Variants in SGSH observed in about 807,000 individuals in gnomAD.
SGSH encodes N-sulfoglucosamine sulfohydrolase.
A neutral mutation model predicts 51.0 loss-of-function variants in SGSH; 48 were observed. The observed-to-expected ratio is 0.94, with a 90% CI of 0.75 to 1.20. The LOEUF (loss-of-function observed/expected upper bound fraction) is 1.20. SGSH is among the 50% of genes most tolerant of loss of function. The probability of loss-of-function intolerance (pLI) is 0.00; values close to 1 mark genes in which losing one functional copy is unlikely to be tolerated. For synonymous variants in SGSH, 321 were observed against 313.4 expected (o/e 1.02, Z -0.26); for missense variants, 662 against 717.8 (o/e 0.92, Z 0.89).
At chr17:80,205,519 T>C (rs758541975), downstream of SGSH, 25 of 1,582,110 alleles carry the variant, frequency 1.6e-5, no homozygotes, top group Non-Finnish European at 2.0e-5. Context: ...CCCCGTCCAA[T>C]GTCACCTGTA....
chr17:80,202,378 T>C (rs773812580), downstream of SGSH: 6 of 1,613,184 alleles, frequency 3.7e-6, no homozygotes, highest in Non-Finnish European at 4.2e-6. Flanking sequence ...TCTTACACCA[T>C]GAAGGATACT....
chr17:80,202,296 T>G, downstream of SGSH: 2 of 1,613,766 alleles, frequency 1.2e-6, no homozygotes, highest in Non-Finnish European at 1.7e-6. Flanking sequence ...GCAGGTGCAT[T>G]GCAACGAGGT....
intron 7 of SGSH, 31 bp from the exon 8 acceptor site, chr17:80,211,042 G>C (rs770790232): frequency 3.8e-6 from 6 of 1,597,604 alleles, no homozygotes; most frequent in African/African-American, 2.7e-5. Flanking sequence ...CAGAGCAGCA[G>C]AGCCCTCAGC....
chr17:80,211,119 T>A lies in SGSH; in HGVS notation c.950-108A>T, dbSNP rs2041645478. ...TGGGCGGCTCCCTTCTCCAATCCAA[T>A]CAGCAGCGGGAGGTGCCTTGTCGAG... is the stretch of plus-strand genomic sequence containing the variant. On this transcript the variant is annotated intron_variant, in intron 7 of 7. Transcript: ENST00000326317. 2.2e-5 allele frequency: 34 copies of A among 1,538,132 alleles called. 1 individual carries two copies. The South Asian group carries it at 3.9e-4, about 18-fold the overall frequency.
At position 80,210,224 on chromosome 17, in the gene SGSH, C is replaced by T. The variant is rs1396943115; in HGVS notation, c.*228G>A. The T allele has an allele frequency of 7.7e-6, 11 of 1,420,832 alleles. No homozygotes were observed. Among genetic ancestry groups the T allele is most frequent in the African/African-American group, 2.9e-5 (2 of 69,444 alleles). The allele number at this position is 1,420,832 out of a possible 1,614,324, so 88.0% of individuals were successfully genotyped here. On this transcript the variant is annotated 3_prime_UTR_variant, in exon 8 of 8. Transcript: ENST00000326317. ...AGGACAACTGTGTCCCCTGCCATGACGGCAGTGCCCCTGGTGGTGGAGGGG... is the reference window on the plus strand; with the variant it reads ...AGGACAACTGTGTCCCCTGCCATGATGGCAGTGCCCCTGGTGGTGGAGGGG...
downstream of SGSH, chr17:80,203,087 G>C (rs2041075589): frequency 6.6e-6 from 1 of 152,326 alleles, no homozygotes; most frequent in Non-Finnish European, 1.5e-5. The surrounding 1 kb of genome is among the most constrained non-coding windows in gnomAD (Gnocchi z 4.6). Context: ...GGGTAACCTG[G>C]TGAAACCCTG....
chr17:80,215,232 C>A, intron 2 of SGSH, 94 bp from the exon 3 acceptor site: 1 of 871,858 alleles, frequency 1.1e-6, no homozygotes, highest in Non-Finnish European at 1.9e-6. Flanking sequence ...CCCCAGGGGC[C>A]TTCTCGGGGC....
downstream of SGSH, chr17:80,208,421 C>T: frequency 3.0e-6 from 4 of 1,345,986 alleles, no homozygotes; most frequent in Non-Finnish European, 4.0e-6. Context: ...AGCCCAGGCC[C>T]TCTTGGCACA....
chr17:80,218,356 G>T (rs7213900), intron 1 of SGSH, among the ~76,000 whole-genome samples: 1 of 152,086 alleles, frequency 6.6e-6, no homozygotes, highest in Non-Finnish European at 1.5e-5. Flanking sequence ...GCAGTGCCCA[G>T]GGCCACACAC....
In SGSH at chr17:80,211,015, G is replaced by A. The variant is rs1388528139; in HGVS notation, c.950-4C>T. ...TCCAAGATGGTGGGCGTGAGGTCTGGAAGGGACGCGGCATCTCAGAGCAGC... is the reference window on the plus strand; with the variant it reads ...TCCAAGATGGTGGGCGTGAGGTCTGAAAGGGACGCGGCATCTCAGAGCAGC... On this transcript the variant is annotated splice_region_variant and splice_polypyrimidine_tract_variant and intron_variant, in intron 7 of 7. Transcript: ENST00000326317. The A allele has an allele frequency of 6.3e-7, 1 of 1,598,374 alleles. No individual in the cohort carries two copies.
chr17:80,210,593 G>A lies in SGSH; in HGVS notation c.1368C>T (p.Arg456=), dbSNP rs762083993. The A allele has an allele frequency of 1.9e-6, 3 of 1,613,410 alleles. No individual in the cohort carries two copies. Among genetic ancestry groups the A allele is most frequent in the African/African-American group, 1.3e-5 (1 of 74,908 alleles). Residue 456 remains arginine (R), a synonymous_variant, in exon 8 of 8, where the codon CGC becomes CGT. Transcript: ENST00000326317. Reference sequence around the variant, plus strand: ...GAAGCATCTCCAGAAGCTGAGCAAAGCGCGGGTCGGTGGCCAGGTTCTGGG... The same window carrying A: ...GAAGCATCTCCAGAAGCTGAGCAAAACGCGGGTCGGTGGCCAGGTTCTGGG... ...HETQNLATDP[R]FAQLLEMLRD...
chr17:80,204,212 C>A, downstream of SGSH: 2 of 1,574,432 alleles, frequency 1.3e-6, no homozygotes, highest in South Asian at 2.3e-5. Context: ...CATCCTTTCT[C>A]TGTCCCTCCT....
At chr17:80,203,522 T>A, downstream of SGSH, 1 of 337,266 alleles carries the variant, frequency 3.0e-6, no homozygotes, top group Non-Finnish European at 5.4e-6. This position sits in a 1 kb window ranked among gnomAD's most constrained non-coding sequence, Gnocchi z 4.6. Context: ...AATATTGAGG[T>A]CCTGGAGTGG....
chr17:80,208,439 G>C, downstream of SGSH: 1 of 1,202,084 alleles, frequency 8.3e-7, no homozygotes, highest in Non-Finnish European at 1.1e-6. Flanking sequence ...ACAGCTGTGG[G>C]CTCCTTGGCA....
At chr17:80,201,995 G>A, downstream of SGSH, 1 of 1,372,834 alleles carries the variant, frequency 7.3e-7, no homozygotes, top group Non-Finnish European at 9.9e-7. The surrounding 1 kb of genome is among the most constrained non-coding windows in gnomAD (Gnocchi z 5.0). Context: ...GATCAGCCAG[G>A]CTGTGCCCCA....
At chr17:80,202,384 A>G (rs1378818312), downstream of SGSH, 1 of 1,613,084 alleles carries the variant, frequency 6.2e-7, no homozygotes, top group Non-Finnish European at 8.5e-7. Context: ...ACCATGAAGG[A>G]TACTGCCGCG....
chr17:80,202,540 T>G, downstream of SGSH: 1 of 1,476,444 alleles, frequency 6.8e-7, no homozygotes, highest in Admixed American at 2.3e-5. Context: ...GAGACCCCCC[T>G]AAGGAGGGAA....
Position 80,214,723 on chromosome 17 carries a change from G to T in SGSH, c.398C>A (p.Pro133Gln), listed in dbSNP as rs781743238. 6.2e-7 allele frequency: 1 copy of T among 1,613,110 alleles called. No individual in the cohort carries two copies. The part of the protein sequence containing the change: ...KKHVGPETVY[P>Q]FDFAYTEENG... ...CTCCTCCGTGTACGCAAAGTCAAACGGGTACACGGTCTCCGGCCCCACGTG... is the reference window on the plus strand; with the variant it reads ...CTCCTCCGTGTACGCAAAGTCAAACTGGTACACGGTCTCCGGCCCCACGTG... The change falls in exon 4 of 8, where the codon CCG (proline) becomes CAG (glutamine). Residue 133 changes from proline (P) to glutamine (Q), a missense_variant. Transcript: ENST00000326317.
In SGSH at chr17:80,217,143, G is replaced by A. The variant is rs746172006; in HGVS notation, c.138C>T (p.Ala46=). 6.2e-7 allele frequency: 1 copy of A among 1,600,664 alleles called. No individual in the cohort carries two copies. Among genetic ancestry groups the A allele is most frequent in the Non-Finnish European group, 8.5e-7 (1 of 1,175,810 alleles). The change falls in exon 2 of 8, where the codon GCC becomes GCT. Residue 46 remains alanine (A), a synonymous_variant. Transcript: ENST00000326317. ...ESGAYNNSAI[A]TPHLDALARR... The stretch of plus-strand genomic sequence containing the variant: ...GGGCCAAGGCGTCCAGGTGCGGGGT[G>A]GCGATGGCGCTGTTGTTGTACGCGC...
Sources: allele counts gnomAD v4.1 joint callset (sites outside exome capture counted in the v4.1 genomes callset), GRCh38; gene constraint gnomAD v4.1.1; non-coding constraint Gnocchi (gnomAD v3.1); transcripts MANE v1.5; gene names NCBI Gene and HGNC (gene_info 2026-07-23, HGNC 2026-07-21).